Variants in CACNA2D3 observed in about 807,000 individuals in gnomAD.
CACNA2D3 encodes the protein calcium voltage-gated channel auxiliary subunit alpha2delta 3.
A neutral mutation model predicts 160.6 loss-of-function variants in CACNA2D3; 60 were observed. That is an observed-to-expected ratio of 0.37 (90% CI 0.30 to 0.46). CACNA2D3 has a LOEUF of 0.46. Ranked by LOEUF, CACNA2D3 falls within the 20% of genes least tolerant of loss-of-function variation. The pLI is 1.00. For synonymous variants in CACNA2D3, 558 were observed against 492.9 expected (o/e 1.13, Z -1.75); for missense variants, 1,205 against 1,365.0 (o/e 0.88, Z 1.85).
intron 2 of CACNA2D3, among the ~76,000 whole-genome samples, chr3:54,194,215 G>C (rs1365072077): frequency 4.6e-5 from 7 of 152,152 alleles, no homozygotes; most frequent in Non-Finnish European, 7.4e-5. Context: ...ATAGCTAGAA[G>C]ATAGGGCTTG....
rs1299596177 is a variant in CACNA2D3 at position 54,727,814 on chromosome 3, G to A, written c.1168-24785G>A. 3.9e-5 allele frequency among the ~76,000 whole-genome samples: 6 copies of A among 152,144 alleles called. No individual in the cohort carries two copies. In the South Asian group the frequency reaches 8.3e-4, roughly 21 times the overall value. Reference sequence around the variant, plus strand: ...AGGAGAAATACCTAATGTAGGTGACGGGTTGATGGGTGTAGCAAACTACCA... The same window carrying A: ...AGGAGAAATACCTAATGTAGGTGACAGGTTGATGGGTGTAGCAAACTACCA... On this transcript the variant is annotated intron_variant, in intron 11 of 37. Transcript: ENST00000474759.
At chr3:54,801,005 TAGAC>T (rs1196731215) in intron 13 of CACNA2D3, among the ~76,000 whole-genome samples, 31 of 151,654 alleles carry the variant, frequency 2.0e-4, no homozygotes, top group Admixed American at 5.3e-4. Flanking sequence ...TTTTTTTTCT[TAGAC>T]AGAGTCTTAC....
intron 9 of CACNA2D3, among the ~76,000 whole-genome samples, chr3:54,618,374 T>TATATATAC: frequency 5.5e-5 from 3 of 54,566 alleles, no homozygotes; most frequent in African/African-American, 1.1e-4. Context: ...TATATATATA[T>TATATATAC]GCACACACAC....
chr3:54,132,763 T>C (rs1335684733), intron 2 of CACNA2D3, among the ~76,000 whole-genome samples: 2 of 152,154 alleles, frequency 1.3e-5, no homozygotes, highest in Admixed American at 1.3e-4. Context: ...TGTGTAGAGT[T>C]GAGAGTCTGA....
intron 11 of CACNA2D3, among the ~76,000 whole-genome samples, chr3:54,672,804 G>T (rs962807664): frequency 1.3e-5 from 2 of 152,144 alleles, no homozygotes; most frequent in Non-Finnish European, 2.9e-5. Flanking sequence ...TAGAGTGGTC[G>T]CAAGGATTAA....
At chr3:54,354,271 A>G (rs1476766831) in intron 3 of CACNA2D3, among the ~76,000 whole-genome samples, 1 of 152,202 alleles carries the variant, frequency 6.6e-6, no homozygotes, top group Non-Finnish European at 1.5e-5. Flanking sequence ...TTAAGGAGAC[A>G]CGATCCAGTT....
intron 11 of CACNA2D3, among the ~76,000 whole-genome samples, chr3:54,727,824 G>T (rs1346596987): frequency 6.6e-6 from 1 of 152,080 alleles, no homozygotes; most frequent in African/African-American, 2.4e-5. Flanking sequence ...GGGTTGATGG[G>T]TGTAGCAAAC....
At chr3:55,022,494 C>T (rs1198898923) in intron 35 of CACNA2D3, among the ~76,000 whole-genome samples, 1 of 151,808 alleles carries the variant, frequency 6.6e-6, no homozygotes, top group Non-Finnish European at 1.5e-5. Context: ...ATTTTATATG[C>T]TCTTATTCCT....
chr3:54,817,233 TAGTA>T (rs1234715215), intron 14 of CACNA2D3, among the ~76,000 whole-genome samples: 3 of 152,214 alleles, frequency 2.0e-5, no homozygotes, highest in Non-Finnish European at 2.9e-5. Flanking sequence ...TGTGAATAAT[TAGTA>T]AGGCGTGGTA....
intron 26 of CACNA2D3, 149 bp from the exon 27 acceptor site, chr3:54,899,639 G>A (rs372608832): frequency 4.6e-5 from 28 of 609,746 alleles, no homozygotes; most frequent in South Asian, 4.5e-4. Context: ...AGCGTAGGCA[G>A]AGCATCCACA....
chr3:54,382,465 A>G (rs1474756766), intron 3 of CACNA2D3, among the ~76,000 whole-genome samples: 1 of 152,210 alleles, frequency 6.6e-6, no homozygotes, highest in African/African-American at 2.4e-5. Flanking sequence ...TAGATGATGA[A>G]TCAGTGTATT....
At chr3:54,802,810 C>G (rs182186777) in intron 13 of CACNA2D3, among the ~76,000 whole-genome samples, 2 of 152,152 alleles carry the variant, frequency 1.3e-5, no homozygotes, top group Admixed American at 6.5e-5. Context: ...GGCACCCCCC[C>G]AGTAGGGGCA....
intron 4 of CACNA2D3, among the ~76,000 whole-genome samples, chr3:54,474,276 T>G (rs559362526): frequency 6.6e-6 from 1 of 152,278 alleles, no homozygotes; most frequent in South Asian, 2.1e-4. Context: ...GAAACCATCA[T>G]TCTCAGCAAA....
At position 54,899,790 on chromosome 3, in the gene CACNA2D3, C is replaced by G; in HGVS notation, c.2371C>G (p.Pro791Ala). The change falls in exon 27 of 38, where the codon CCA (proline) becomes GCA (alanine). Residue 791 changes from proline (P) to alanine (A), a missense_variant and splice_region_variant. By Grantham distance (27) the Pro-to-Ala change is conservative. Transcript: ENST00000474759. The part of the protein sequence containing the change: ...FVYSIPFSTG[P>A]VNKSNVVTAS... ...TGTGGTGTTTTTTCTTTTCACAGGA[C>G]CAGTCAATAAAAGCAATGTGGTGAC... is the stretch of plus-strand genomic sequence containing the variant. 2 of 1,605,428 alleles carry G rather than the reference C, an allele frequency of 1.2e-6. No homozygotes were observed. The highest frequency in any genetic ancestry group is 1.7e-6 in the Non-Finnish European group (2 of 1,175,178).
intron 2 of CACNA2D3, among the ~76,000 whole-genome samples, chr3:54,286,306 A>T (rs1471591437): frequency 6.6e-6 from 1 of 152,258 alleles, no homozygotes; most frequent in Non-Finnish European, 1.5e-5. Context: ...AGCGGATGCG[A>T]TCAACTGGAA....
intron 17 of CACNA2D3, among the ~76,000 whole-genome samples, chr3:54,865,945 G>A (rs6771180): frequency 1.2e-3 from 183 of 152,002 alleles, no homozygotes; most frequent in African/African-American, 3.9e-3. Context: ...GCACAGAGAC[G>A]TGCACACCTA....
At chr3:54,374,189 A>G (rs952758823) in intron 3 of CACNA2D3, among the ~76,000 whole-genome samples, 2 of 152,200 alleles carry the variant, frequency 1.3e-5, no homozygotes, top group African/African-American at 4.8e-5. Context: ...AAATCTAGGA[A>G]GTGCTGCGGT....
chr3:54,983,784 A>G (rs1702556603), intron 29 of CACNA2D3, among the ~76,000 whole-genome samples: 1 of 152,238 alleles, frequency 6.6e-6, no homozygotes, highest in Non-Finnish European at 1.5e-5. Context: ...ATATGTTACA[A>G]ATTAAATGTT....
chr3:54,308,132 T>G (rs1249321334), intron 2 of CACNA2D3, among the ~76,000 whole-genome samples: 3 of 152,176 alleles, frequency 2.0e-5, no homozygotes, highest in Non-Finnish European at 4.4e-5. Context: ...AATCTGAGGT[T>G]TCATCTGGTT....
Sources: gnomAD v4.1 joint callset for allele counts (sites outside exome capture counted in the v4.1 genomes callset) on GRCh38, gnomAD v4.1.1 for gene constraint, MANE v1.5 for transcripts, NCBI Gene and HGNC (gene_info 2026-07-23, HGNC 2026-07-21) for gene names.